Variants in ADAM23 observed in about 807,000 individuals in gnomAD.
The protein encoded by ADAM23 is ADAM metallopeptidase domain 23.
Under a neutral mutation model 120.1 loss-of-function variants are expected in ADAM23, and 33 were observed. The observed-to-expected ratio is 0.27, with a 90% confidence interval of 0.21 to 0.37. ADAM23 has a LOEUF of 0.37. Among genes scored for constraint, ADAM23 ranks in the 10% least tolerant of loss-of-function variants. The probability of loss-of-function intolerance (pLI) is 1.00; values close to 1 mark genes in which losing one functional copy is unlikely to be tolerated. For synonymous variants in ADAM23, 367 were observed against 375.2 expected (o/e 0.98, Z 0.25); for missense variants, 862 against 1,058.2 (o/e 0.81, Z 2.57).
At chr2:206,581,515 G>C (rs557717195) in intron 18 of ADAM23, among the ~76,000 whole-genome samples, 1 of 152,098 alleles carries the variant, frequency 6.6e-6, no homozygotes, top group Non-Finnish European at 1.5e-5. Flanking sequence ...TAATTTCCAC[G>C]TATTTGCATG....
chr2:206,573,186 C>T lies in ADAM23; in HGVS notation c.1728C>T (p.Asp576=), dbSNP rs756589004. Residue 576 remains aspartate (D), a synonymous_variant, in exon 18 of 26, where the codon GAC becomes GAT. Coordinates refer to ENST00000264377, the MANE Select transcript of ADAM23 (RefSeq NM_003812.4). ...ECDITEYCTG[D]SGQCPPNLHK... is the part of the protein sequence containing the mutation. ...ATATTACTGAATATTGTACTGGAGA[C>T]TCTGGTCAGGTATGGCGCACTGAGT... The T allele has an allele frequency of 1.9e-6, 3 of 1,613,856 alleles. No individual in the cohort carries two copies. In the South Asian group the frequency reaches 3.3e-5, roughly 18 times the overall value.
At chr2:206,586,645 C>T (rs185166058) in intron 18 of ADAM23, among the ~76,000 whole-genome samples, 1 of 152,146 alleles carries the variant, frequency 6.6e-6, no homozygotes, top group African/African-American at 2.4e-5. Flanking sequence ...TGTAGCAGGG[C>T]CTTTGACTTG....
At position 206,562,913 on chromosome 2, in the gene ADAM23, C is replaced by T. The variant is rs190701246; in HGVS notation, c.1345+620C>T. On this transcript the variant is annotated intron_variant, in intron 13 of 25. Coordinates refer to ENST00000264377, the MANE Select transcript of ADAM23 (RefSeq NM_003812.4). ...AAAAACATAGCCAGTGACTGTTAGG[C>T]GTCATTTTTTCGTTAATCAGATGAG... Among the ~76,000 whole-genome samples, 453 of 152,158 alleles carry T rather than the reference C, an allele frequency of 3.0e-3. 3 individuals carry two copies. The highest frequency in any genetic ancestry group is 0.011 in the African/African-American group (438 of 41,528).
intron 3 of ADAM23, among the ~76,000 whole-genome samples, chr2:206,512,304 G>T (rs1281997904): frequency 6.6e-6 from 1 of 152,076 alleles, no homozygotes; most frequent in African/African-American, 2.4e-5. Context: ...GAATGATCAG[G>T]CATGAGACAC....
chr2:206,587,707 T>C (rs1379661685), intron 19 of ADAM23, among the ~76,000 whole-genome samples: 2 of 152,146 alleles, frequency 1.3e-5, no homozygotes, highest in South Asian at 2.1e-4. Context: ...GAGTTTTTTT[T>C]CCCCTGAAGC....
rs979093280 is a variant in ADAM23, at chr2:206,561,194, A to T, written c.1236A>T (p.Arg412Ser). ...TTGGAGGTGTCTGTTCTCGCACAAG[A>T]GGAGTTGGTGTGAATGAGGTAAATT... is the stretch of plus-strand genomic sequence containing the variant. The part of the protein sequence containing the change: ...SYFGGVCSRT[R>S]GVGVNEYGLP... Residue 412 changes from arginine to serine, a missense_variant, in exon 12 of 26, where the codon AGA (arginine) becomes AGT (serine). Physicochemically the swap from Arg to Ser is moderately radical, Grantham distance 110. Around this residue, in one of 4 missense-constraint regions of ADAM23, gnomAD observed 617 missense variants for 813.5 expected, o/e 0.76. Coordinates refer to ENST00000264377, the MANE Select transcript of ADAM23 (RefSeq NM_003812.4). 2.2e-5 allele frequency: 36 copies of T among 1,613,982 alleles called. No individual in the cohort carries two copies. Among genetic ancestry groups the T allele is most frequent in the Non-Finnish European group, 2.8e-5 (33 of 1,179,908 alleles).
At position 206,617,591 on chromosome 2, in the gene ADAM23, G is replaced by A. The variant is rs757003998; in HGVS notation, c.2463G>A (p.Lys821=). The A allele has an allele frequency of 6.2e-7, 1 of 1,609,194 alleles. No homozygotes were observed. Among genetic ancestry groups the A allele is most frequent in the South Asian group, 1.1e-5 (1 of 89,632 alleles). The part of the protein sequence containing the change: ...GTGWGFKNVK[K]RRFDPTQQGP... ...CTCACTCTGGAAGAAATGTCAAGAAGAGAAGGTTCGATCCTACTCAGCAAG... is the reference window on the plus strand; with the variant it reads ...CTCACTCTGGAAGAAATGTCAAGAAAAGAAGGTTCGATCCTACTCAGCAAG... The change falls in exon 26 of 26, where the codon AAG becomes AAA. Residue 821 remains lysine, a synonymous_variant. Coordinates refer to ENST00000264377, the MANE Select transcript of ADAM23 (RefSeq NM_003812.4).
At chr2:206,530,691 T>TTTTC (rs1697040183) in intron 3 of ADAM23, among the ~76,000 whole-genome samples, 194 bp from the exon 4 acceptor site, 1 of 144,086 alleles carries the variant, frequency 6.9e-6, no homozygotes, top group African/African-American at 2.5e-5. Flanking sequence ...TTTTTTTTTT[T>TTTTC]CTGCAGATTG....
intron 2 of ADAM23, among the ~76,000 whole-genome samples, chr2:206,472,663 G>A (rs1280618061): frequency 2.6e-5 from 4 of 151,602 alleles, no homozygotes; most frequent in Admixed American, 2.0e-4. Context: ...AGAAAAGAGA[G>A]GAAGATGAAT....
chr2:206,538,781 T>C (rs1196384499), intron 4 of ADAM23, among the ~76,000 whole-genome samples: 1 of 152,184 alleles, frequency 6.6e-6, no homozygotes, highest in Admixed American at 6.5e-5. Context: ...TTATTATCAT[T>C]ATTATTTTTT....
At chr2:206,563,215 AT>A (rs1697805602) in intron 13 of ADAM23, among the ~76,000 whole-genome samples, 1 of 152,178 alleles carries the variant, frequency 6.6e-6, no homozygotes, top group African/African-American at 2.4e-5. Flanking sequence ...GTGCCTTCCT[AT>A]TTTTTGAAAA....
intron 15 of ADAM23, among the ~76,000 whole-genome samples, chr2:206,569,039 A>G (rs1026208162): frequency 1.3e-5 from 2 of 152,214 alleles, no homozygotes; most frequent in African/African-American, 2.4e-5. Context: ...CAGAAATCCA[A>G]AAGCTTCAAA....
At chr2:206,563,306 AT>A (rs1173669266) in intron 13 of ADAM23, among the ~76,000 whole-genome samples, 2 of 152,184 alleles carry the variant, frequency 1.3e-5, no homozygotes, top group African/African-American at 4.8e-5. Context: ...CCTTAATATC[AT>A]TCTATATTTT....
intron 2 of ADAM23, among the ~76,000 whole-genome samples, chr2:206,464,891 G>A (rs1359421425): frequency 6.6e-6 from 1 of 152,052 alleles, no homozygotes; most frequent in Non-Finnish European, 1.5e-5. Context: ...TAGTGCTGAG[G>A]TAGAGAAACC....
At chr2:206,589,307 T>C in intron 20 of ADAM23, 102 bp from the exon 21 acceptor site, 2 of 876,164 alleles carry the variant, frequency 2.3e-6, no homozygotes, top group Non-Finnish European at 3.4e-6. Flanking sequence ...TTCTTTTTCC[T>C]TGCTCTGGAG....
chr2:206,601,479 G>T (rs550225886), intron 24 of ADAM23, among the ~76,000 whole-genome samples: 2 of 152,256 alleles, frequency 1.3e-5, no homozygotes, highest in African/African-American at 4.8e-5. Context: ...CTGTTTTGAA[G>T]TTGAATAGTG....
chr2:206,541,311 C>T (rs1053309015), intron 4 of ADAM23, among the ~76,000 whole-genome samples: 2 of 151,964 alleles, frequency 1.3e-5, no homozygotes, highest in African/African-American at 4.8e-5. Context: ...TATTTGTGTA[C>T]ACATAAACAA....
At chr2:206,477,897 A>AAAAAATATATATATAT (rs374524658) in intron 2 of ADAM23, among the ~76,000 whole-genome samples, 2 of 93,602 alleles carry the variant, frequency 2.1e-5, no homozygotes, top group African/African-American at 5.2e-5. Context: ...AAAAAAAAAA[A>AAAAAATATATATATAT]ATATATATAT....
Position 206,595,158 on chromosome 2 carries a change from C to T in ADAM23, c.2247+253C>T, listed in dbSNP as rs966241114. ...ATTGAGCCACTGCACTCCAGCCTGGCGACAGAGCGAGACTCCATCTCAACA... is the reference window on the plus strand; with the variant it reads ...ATTGAGCCACTGCACTCCAGCCTGGTGACAGAGCGAGACTCCATCTCAACA... On this transcript the variant is annotated intron_variant, in intron 23 of 25. Transcript: ENST00000264377. Among the ~76,000 whole-genome samples the T allele has an allele frequency of 3.3e-5, 5 of 152,098 alleles. No homozygotes were observed. In the East Asian group the frequency reaches 7.8e-4, roughly 24 times the overall value.
Sources: allele counts gnomAD v4.1 joint callset (sites outside exome capture counted in the v4.1 genomes callset), GRCh38; gene constraint gnomAD v4.1.1; regional missense constraint gnomAD v4.1.1; transcripts MANE v1.5; gene names NCBI Gene and HGNC (gene_info 2026-07-23, HGNC 2026-07-21).